RND3: variants seen among roughly 807,000 people sequenced by gnomAD.
The protein encoded by RND3 is rho-related GTP-binding protein RhoE.
Under a neutral mutation model 26.5 loss-of-function variants are expected in RND3, and 8 were observed. The observed-to-expected ratio is 0.30, with a 90% CI of 0.18 to 0.54. RND3 has a LOEUF of 0.54. Among genes scored for constraint, RND3 ranks in the 20% least tolerant of loss-of-function variants. The pLI, the probability that RND3 is intolerant of heterozygous loss-of-function variation, is 0.94. For missense variants in RND3, 207 were observed against 302.8 expected (o/e 0.68, Z 2.35); for synonymous variants, 113 against 113.0 (o/e 1.00, Z 0.00).
intron 3 of RND3, among the ~76,000 whole-genome samples, chr2:150,482,640 T>C (rs977110698): frequency 1.5e-4 from 21 of 138,082 alleles, no homozygotes; most frequent in African/African-American, 5.1e-4. Flanking sequence ...TTACTTTTGT[T>C]GGGGGGGCTG....
chr2:150,472,747 C>T lies in RND3; in HGVS notation c.349-986G>A, dbSNP rs561900112. ...AGTACTGTGGCAGTGACAATGATGA[C>T]TAAGACATAGCTGTGTCTTCTGGAA... is the stretch of plus-strand genomic sequence containing the variant. On this transcript the variant is annotated intron_variant, in intron 4 of 5. Coordinates refer to ENST00000263895, the MANE Select transcript of RND3 (RefSeq NM_005168.5). Among the ~76,000 whole-genome samples the T allele has an allele frequency of 3.3e-5, 5 of 152,232 alleles. No homozygotes were observed. In the South Asian group the frequency reaches 1.0e-3, roughly 32 times the overall value.
Position 150,486,911 on chromosome 2 carries a change from C to T in RND3, c.151-130G>A. 1.3e-6 allele frequency: 1 copy of T among 750,618 alleles called. No homozygotes were observed. The highest frequency in any genetic ancestry group is 2.3e-4 in the Middle Eastern group (1 of 4,350). The allele number at this position is 750,618 out of a possible 1,614,324, so 46.5% of individuals were successfully genotyped here. On this transcript the variant is annotated intron_variant, in intron 2 of 5. Transcript: ENST00000263895. This position sits in a 1 kb window ranked among gnomAD's most constrained non-coding sequence, Gnocchi z 4.5. The stretch of plus-strand genomic sequence containing the variant: ...AGAAAGAAAACCTTCACACATCAGA[C>T]CACACACTAAGCACATGGACCCTTT...
chr2:150,483,670 G>GA (rs1234869685), intron 3 of RND3, among the ~76,000 whole-genome samples: 3 of 152,152 alleles, frequency 2.0e-5, no homozygotes, highest in Non-Finnish European at 4.4e-5. Context: ...GAATTAAATG[G>GA]AAAAATGTTA....
Position 150,486,627 on chromosome 2 carries a change from G to T in RND3, c.238+67C>A. 8.6e-7 allele frequency: 1 copy of T among 1,161,040 alleles called. No individual in the cohort carries two copies. The highest frequency in any genetic ancestry group is 1.3e-6 in the Non-Finnish European group (1 of 766,960). The allele number at this position is 1,161,040 out of a possible 1,614,324, so 71.9% of individuals were successfully genotyped here. On this transcript the variant is annotated intron_variant, in intron 3 of 5. Transcript: ENST00000263895. The surrounding 1 kb of genome is among the most constrained non-coding windows in gnomAD (Gnocchi z 4.5). ...CGGCTTGTAGCGCGCGGTTTCCCGAGACCCGCCGCGCATCCCCCAGCGACT... is the reference window on the plus strand; with the variant it reads ...CGGCTTGTAGCGCGCGGTTTCCCGATACCCGCCGCGCATCCCCCAGCGACT...
intron 3 of RND3, among the ~76,000 whole-genome samples, chr2:150,479,160 T>C (rs796897175): frequency 5.9e-5 from 9 of 151,750 alleles, no homozygotes; most frequent in African/African-American, 1.5e-4. Flanking sequence ...CTTTTGAAAT[T>C]TCAGATCTAC....
At position 150,486,089 on chromosome 2, in the gene RND3, C is replaced by A. The variant is rs1392530455; in HGVS notation, c.238+605G>T. ...CAGGTGGGCACCGAGGCACCGCGGG[C>A]GGCCGGCAGCGCGAAGAGGAGGTTC... On this transcript the variant is annotated intron_variant, in intron 3 of 5. Transcript: ENST00000263895. This position sits in a 1 kb window ranked among gnomAD's most constrained non-coding sequence, Gnocchi z 4.5. 6.6e-6 allele frequency among the ~76,000 whole-genome samples: 1 copy of A among 152,168 alleles called. No homozygotes were observed. The highest frequency in any genetic ancestry group is 2.4e-5 in the African/African-American group (1 of 41,442).
At chr2:150,471,300 G>C (rs1396940971) in intron 5 of RND3, among the ~76,000 whole-genome samples, 1 of 152,034 alleles carries the variant, frequency 6.6e-6, no homozygotes, top group Non-Finnish European at 1.5e-5. Flanking sequence ...CACTTTACTG[G>C]CAACAGCCTT....
At position 150,471,653 on chromosome 2, in the gene RND3, T is replaced by C. The variant is rs1266537573; in HGVS notation, c.457A>G (p.Arg153Gly). 6.2e-7 allele frequency: 1 copy of C among 1,612,670 alleles called. No individual in the cohort carries two copies. Among genetic ancestry groups the C allele is most frequent in the Non-Finnish European group, 8.5e-7 (1 of 1,179,240 alleles). The change falls in exon 5 of 6, where the codon AGG becomes GGG. Residue 153 changes from arginine to glycine, a missense_variant. Physicochemically the swap from Arg to Gly is moderately radical, Grantham distance 125. Transcript: ENST00000263895. ...TGGTCATAGGACACTGGCGTCTGCC[T>C]GTGATTGGAGAGCTCTACTAATGTA... Reference protein sequence around the residue: ...VSTLVELSNHRQTPVSYDQGA... With the variant: ...VSTLVELSNHGQTPVSYDQGA...
At chr2:150,487,117 A>C in intron 2 of RND3, 151 bp downstream of exon 2, 1 of 688,088 alleles carries the variant, frequency 1.5e-6, no homozygotes, top group African/African-American at 1.8e-5. Context: ...CCCGCAGTCT[A>C]ATCAGGGGAA....
At position 150,469,930 on chromosome 2, in the gene RND3, G is replaced by GT; in HGVS notation, c.*56dup. The GT allele has an allele frequency of 6.3e-7, 1 of 1,590,150 alleles. No homozygotes were observed. The highest frequency in any genetic ancestry group is 8.6e-7 in the Non-Finnish European group (1 of 1,165,166). On this transcript the variant is annotated 3_prime_UTR_variant, in exon 6 of 6. Coordinates refer to ENST00000263895, the MANE Select transcript of RND3 (RefSeq NM_005168.5). ...CACTTCATTTAGACTTCACCTTTTT[G>GT]TTTGCTGTTGTTTTTTACACTAGAT...
At chr2:150,476,614 AG>A (rs1227719078) in intron 3 of RND3, among the ~76,000 whole-genome samples, 1 of 152,206 alleles carries the variant, frequency 6.6e-6, no homozygotes, top group Non-Finnish European at 1.5e-5. Flanking sequence ...ATCTGGAACC[AG>A]GACCCTGGTA....
rs1323964085 is a variant in RND3, at chr2:150,486,194, T to G, written c.238+500A>C. ...GCGCCGCGGCTGCCTGCGCTCAGTT[T>G]CTTTCCCTCAACAGCGGCAATTGCA... On this transcript the variant is annotated intron_variant, in intron 3 of 5. Transcript: ENST00000263895. This position sits in a 1 kb window ranked among gnomAD's most constrained non-coding sequence, Gnocchi z 4.5. Among the ~76,000 whole-genome samples the G allele has an allele frequency of 6.6e-6, 1 of 152,010 alleles. No homozygotes were observed. The highest frequency in any genetic ancestry group is 6.5e-5 in the Admixed American group (1 of 15,276).
intron 3 of RND3, among the ~76,000 whole-genome samples, chr2:150,477,694 C>G (rs555275299): frequency 6.6e-6 from 1 of 152,118 alleles, no homozygotes; most frequent in South Asian, 2.1e-4. Context: ...TAAAATGAAA[C>G]GGAGTTCTCC....
intron 5 of RND3, among the ~76,000 whole-genome samples, chr2:150,470,645 T>G (rs1686071724): frequency 6.6e-6 from 1 of 152,156 alleles, no homozygotes; most frequent in African/African-American, 2.4e-5. Flanking sequence ...TTATTCAGGT[T>G]TTCCAGGGTC....
chr2:150,475,215 T>G (rs1686145317), intron 3 of RND3: 1 of 399,578 alleles, frequency 2.5e-6, no homozygotes, highest in Non-Finnish European at 4.7e-6. Context: ...GGCCAGGATC[T>G]TAAGTGAAAT....
At chr2:150,479,550 A>G (rs949544199) in intron 3 of RND3, among the ~76,000 whole-genome samples, 2 of 152,212 alleles carry the variant, frequency 1.3e-5, no homozygotes, top group African/African-American at 4.8e-5. Flanking sequence ...AGCTAAAGCT[A>G]TTGCATATTT....
rs2105224922 is a variant in RND3 at position 150,486,520 on chromosome 2, G to A, written c.238+174C>T. 6.6e-6 allele frequency among the ~76,000 whole-genome samples: 1 copy of A among 152,326 alleles called. No individual in the cohort carries two copies. The highest frequency in any genetic ancestry group is 1.9e-4 in the East Asian group (1 of 5,164). On this transcript the variant is annotated intron_variant, in intron 3 of 5. Coordinates refer to ENST00000263895, the MANE Select transcript of RND3 (RefSeq NM_005168.5). This position sits in a 1 kb window ranked among gnomAD's most constrained non-coding sequence, Gnocchi z 4.5. ...TCCCCACTGCTATCTCCTCGTCCAC[G>A]CTGTCGTCTGCCGCCCCCACCCAGA...
At chr2:150,472,057 A>C (rs1686094885) in intron 4 of RND3, 1 of 308,980 alleles carries the variant, frequency 3.2e-6, no homozygotes, top group Non-Finnish European at 6.1e-6. Context: ...TAGCTTCAAT[A>C]ATGTCTTAAT....
chr2:150,470,022 G>T lies in RND3; in HGVS notation c.700C>A (p.Arg234=), dbSNP rs1389618167. 6.8e-6 allele frequency: 11 copies of T among 1,613,898 alleles called. No individual in the cohort carries two copies. The East Asian group carries it at 2.0e-4, about 29-fold the overall frequency. Residue 234 remains arginine, a synonymous_variant, in exon 6 of 6, where the codon CGA becomes AGA. Transcript: ENST00000263895. ...GTGCAGCTCTTCGCTTTGTCCTTTC[G>T]TAAGTCCGTAGCAACTGCCGAGAGT... is the stretch of plus-strand genomic sequence containing the variant. ...PELSAVATDL[R]KDKAKSCTVM
Sources: gnomAD v4.1 joint callset for allele counts (sites outside exome capture counted in the v4.1 genomes callset) on GRCh38, gnomAD v4.1.1 for gene constraint, Gnocchi (gnomAD v3.1) non-coding constraint, MANE v1.5 for transcripts, NCBI Gene and HGNC (gene_info 2026-07-23, HGNC 2026-07-21) for gene names.